Variants in TNIK observed in about 807,000 individuals in gnomAD.
TNIK encodes the protein TRAF2 and NCK-interacting protein kinase.
A neutral mutation model predicts 191.3 loss-of-function variants in TNIK; 49 were observed. The ratio of observed to expected loss-of-function variants is 0.26; its 90% CI spans 0.20 to 0.32. The LOEUF (loss-of-function observed/expected upper bound fraction) is 0.32, where lower values mean the gene tolerates loss of function less well. TNIK is among the 10% of genes least tolerant of loss of function. TNIK has a pLI of 1.00. For synonymous variants in TNIK, 594 were observed against 600.9 expected (o/e 0.99, Z 0.17); for missense variants, 1,155 against 1,702.3 (o/e 0.68, Z 5.66).
intron 1 of TNIK, among the ~76,000 whole-genome samples, chr3:171,433,876 A>G (rs1248814642): frequency 6.8e-6 from 1 of 148,130 alleles, no homozygotes; most frequent in Admixed American, 6.7e-5. Context: ...TTCTTATTAC[A>G]TTAATTTCTA....
At chr3:171,347,041 T>G in intron 2 of TNIK, 1 of 1,203,574 alleles carries the variant, frequency 8.3e-7, no homozygotes, top group Middle Eastern at 2.0e-4. Flanking sequence ...ATGAGAGATG[T>G]GCAATGCCTG....
At chr3:171,375,818 G>T (rs955238924) in intron 1 of TNIK, among the ~76,000 whole-genome samples, 8 of 152,154 alleles carry the variant, frequency 5.3e-5, no homozygotes, top group Non-Finnish European at 1.0e-4. Context: ...CTTTGAAAAT[G>T]AAATTGACAC....
chr3:171,064,732 C>A (rs1718206715), intron 32 of TNIK, among the ~76,000 whole-genome samples: 2 of 152,130 alleles, frequency 1.3e-5, no homozygotes, highest in African/African-American at 4.8e-5. Context: ...GAACCACTGC[C>A]CCAGGAAAGT....
chr3:171,388,644 C>T (rs528821026), intron 1 of TNIK, among the ~76,000 whole-genome samples: 34 of 152,324 alleles, frequency 2.2e-4, no homozygotes, highest in African/African-American at 7.9e-4. Flanking sequence ...TTGTGTTCTA[C>T]TTCAACTGCT....
intron 22 of TNIK, among the ~76,000 whole-genome samples, chr3:171,094,428 G>A (rs1035274837): frequency 5.9e-5 from 9 of 152,082 alleles, no homozygotes; most frequent in Admixed American, 2.0e-4. Context: ...GAGCCACCGC[G>A]CCCTGCCAAT....
chr3:171,358,518 G>A (rs56237045), intron 2 of TNIK, among the ~76,000 whole-genome samples: 3,420 of 152,272 alleles, frequency 0.022, 159 homozygotes, highest in East Asian at 0.22. Flanking sequence ...ACCCTTGACC[G>A]GGGATTATTA....
intron 2 of TNIK, among the ~76,000 whole-genome samples, chr3:171,244,804 GCTT>G (rs1474459737): frequency 6.6e-6 from 1 of 150,440 alleles, no homozygotes; most frequent in African/African-American, 2.4e-5. Flanking sequence ...ACAACTTACT[GCTT>G]CTCTTTAAAT....
rs1715787123 is a variant in TNIK, at chr3:171,366,848, G to A, written c.123+2772C>T. On this transcript the variant is annotated intron_variant, in intron 2 of 32. Coordinates refer to ENST00000436636, the MANE Select transcript of TNIK (RefSeq NM_015028.4). The surrounding 1 kb of genome is among the most constrained non-coding windows in gnomAD (Gnocchi z 4.1). Reference sequence around the variant, plus strand: ...TCATGGAGGCGGTTTCACCCATCCTGTTCTCATGATAGTGAGTTAGTTCTC... The same window carrying A: ...TCATGGAGGCGGTTTCACCCATCCTATTCTCATGATAGTGAGTTAGTTCTC... Among the ~76,000 whole-genome samples, 1 of 152,160 alleles carries A rather than the reference G, an allele frequency of 6.6e-6. No homozygotes were observed. Among genetic ancestry groups the A allele is most frequent in the African/African-American group, 2.4e-5 (1 of 41,444 alleles).
rs1754205968 is a variant in TNIK, at chr3:171,312,914, A to G, written c.123+56706T>C. Among the ~76,000 whole-genome samples, 4 of 152,132 alleles carry G rather than the reference A, an allele frequency of 2.6e-5. No individual in the cohort carries two copies. In the South Asian group the frequency reaches 8.3e-4, roughly 32 times the overall value. ...TGGCAATTACTGATGCTTAAAGATG[A>G]AAGTCTTGGACCACAGCGTGCCATT... On this transcript the variant is annotated intron_variant, in intron 2 of 32. Transcript: ENST00000436636.
chr3:171,401,282 A>G (rs896359109), intron 1 of TNIK, among the ~76,000 whole-genome samples: 6 of 151,970 alleles, frequency 3.9e-5, no homozygotes, highest in Non-Finnish European at 8.8e-5. Context: ...TCCTGTGGCA[A>G]TTTTACAGCC....
rs1729335404 is a variant in TNIK, at chr3:171,460,327, G to T, written c.-264C>A. ...GGCTGAGCGCCCCGATCGGCTAAGG[G>T]CGCTGGGGCTGCGTGGGTGTATTTA... On this transcript the variant is annotated 5_prime_UTR_variant, in exon 1 of 33. Coordinates refer to ENST00000436636, the MANE Select transcript of TNIK (RefSeq NM_015028.4). The surrounding 1 kb of genome is among the most constrained non-coding windows in gnomAD (Gnocchi z 6.8). The T allele has an allele frequency of 1.8e-6, 1 of 564,476 alleles. No homozygotes were observed. Among genetic ancestry groups the T allele is most frequent in the East Asian group, 3.1e-5 (1 of 32,634 alleles). The allele number at this position is 564,476 out of a possible 1,614,324, so 35.0% of individuals were successfully genotyped here.
intron 2 of TNIK, among the ~76,000 whole-genome samples, chr3:171,258,465 T>C (rs1327445098): frequency 6.6e-6 from 1 of 152,122 alleles, no homozygotes; most frequent in African/African-American, 2.4e-5. Flanking sequence ...TGTTTTCTAA[T>C]TCCCCTCACC....
At chr3:171,333,521 C>A (rs948804440) in intron 2 of TNIK, among the ~76,000 whole-genome samples, 2 of 149,958 alleles carry the variant, frequency 1.3e-5, no homozygotes, top group Admixed American at 6.7e-5. Flanking sequence ...TTGCAGCGAG[C>A]CAAGATCGCA....
At chr3:171,240,549 A>G (rs1303567095) in intron 2 of TNIK, among the ~76,000 whole-genome samples, 2 of 73,148 alleles carry the variant, frequency 2.7e-5, no homozygotes, top group Non-Finnish European at 5.8e-5. Flanking sequence ...CTCTTCTCCT[A>G]CTATTCCCCC....
At position 171,289,859 on chromosome 3, in the gene TNIK, G is replaced by A. The variant is rs184219311; in HGVS notation, c.124-61638C>T. Among the ~76,000 whole-genome samples the A allele has an allele frequency of 4.1e-4, 58 of 143,082 alleles. 1 individual carries two copies. Among genetic ancestry groups the A allele is most frequent in the Middle Eastern group, 8.1e-3 (2 of 246 alleles). The allele number at this position is 143,082 out of a possible 152,430, so 93.9% of individuals were successfully genotyped here. Reference sequence around the variant, plus strand: ...AGAGGTTGCAGTGAGCCGACATGGCGCCACTGCACTCCTGCCTGGGTGACA... The same window carrying A: ...AGAGGTTGCAGTGAGCCGACATGGCACCACTGCACTCCTGCCTGGGTGACA... On this transcript the variant is annotated intron_variant, in intron 2 of 32. Transcript: ENST00000436636.
chr3:171,307,265 C>T (rs1185540549), intron 2 of TNIK, among the ~76,000 whole-genome samples: 1 of 152,062 alleles, frequency 6.6e-6, no homozygotes, highest in African/African-American at 2.4e-5. Flanking sequence ...ATCTCAAAAG[C>T]TGAAAGTCAT....
rs886389947 is a variant in TNIK at position 171,159,258 on chromosome 3, C to T, written c.1017-1594G>A. Among the ~76,000 whole-genome samples the T allele has an allele frequency of 4.0e-5, 6 of 151,286 alleles. No homozygotes were observed. Among genetic ancestry groups the T allele is most frequent in the Non-Finnish European group, 5.9e-5 (4 of 67,862 alleles). On this transcript the variant is annotated intron_variant, in intron 11 of 32. Transcript: ENST00000436636. This position sits in a 1 kb window ranked among gnomAD's most constrained non-coding sequence, Gnocchi z 4.1. Reference sequence around the variant, plus strand: ...GAGGTCACGAAGCCTGTGGACAGATCTGACATGTGGAGTGAGGGATGACTT... The same window carrying T: ...GAGGTCACGAAGCCTGTGGACAGATTTGACATGTGGAGTGAGGGATGACTT...
intron 2 of TNIK, among the ~76,000 whole-genome samples, chr3:171,363,730 C>T (rs902710537): frequency 1.3e-5 from 2 of 152,120 alleles, no homozygotes; most frequent in Non-Finnish European, 2.9e-5. Flanking sequence ...ATGAAGAGAT[C>T]GTGATATACA....
chr3:171,279,806 T>A lies in TNIK; in HGVS notation c.124-51585A>T, dbSNP rs530272230. ...TCTCCATTTTGCAGATGAGATGAAC[T>A]GAATTACAGAGAGATTATTTAAATT... is the stretch of plus-strand genomic sequence containing the variant. On this transcript the variant is annotated intron_variant, in intron 2 of 32. Transcript: ENST00000436636. Among the ~76,000 whole-genome samples the A allele has an allele frequency of 7.9e-5, 12 of 152,274 alleles. No individual in the cohort carries two copies. The South Asian group carries it at 1.0e-3, about 13-fold the overall frequency.
Sources: allele counts gnomAD v4.1 joint callset (sites outside exome capture counted in the v4.1 genomes callset), GRCh38; gene constraint gnomAD v4.1.1; non-coding constraint Gnocchi (gnomAD v3.1); transcripts MANE v1.5; gene names NCBI Gene and HGNC (gene_info 2026-07-23, HGNC 2026-07-21).